Variants in SERBP1 observed in about 807,000 individuals in gnomAD.
The protein encoded by SERBP1 is SERPINE1 mRNA-binding protein 1.
SERBP1 carries 6 observed loss-of-function variants against 50.2 expected under a neutral mutation model. The observed-to-expected ratio is 0.12, with a 90% CI of 0.07 to 0.24. The LOEUF is 0.24. SERBP1 is among the 10% of genes least tolerant of loss of function. The pLI is 1.00. For missense variants in SERBP1, 346 were observed against 524.9 expected, an observed-to-expected ratio of 0.66 and a Z score of 3.33; for synonymous variants, 168 against 182.8, an observed-to-expected ratio of 0.92 and a Z score of 0.65.
At chr1:67,421,584 C>G (rs1369121868) in intron 5 of SERBP1, among the ~76,000 whole-genome samples, 1 of 152,188 alleles carries the variant, frequency 6.6e-6, no homozygotes, top group East Asian at 1.9e-4. Flanking sequence ...CTACCAATAG[C>G]CTATCAATAC....
At chr1:67,419,099 G>C (rs1272858889) in intron 6 of SERBP1, among the ~76,000 whole-genome samples, 2 of 152,324 alleles carry the variant, frequency 1.3e-5, no homozygotes, top group East Asian at 3.9e-4. Flanking sequence ...GTTGACCCTT[G>C]AACAACGTGG....
In SERBP1 at chr1:67,430,175, G is replaced by A. The variant is rs772226653; in HGVS notation, c.126C>T (p.Gly42=). 10 of 1,610,576 alleles carry A rather than the reference G, an allele frequency of 6.2e-6. No individual in the cohort carries two copies. Among genetic ancestry groups the A allele is most frequent in the South Asian group, 3.3e-5 (3 of 90,908 alleles). ...KAAENKKKEA[G]GGGVGGPGAK... The stretch of plus-strand genomic sequence containing the variant: ...CCCCAGGGCCCCCAACGCCGCCCCC[G>A]CCGGCTTCTTTTTTCTTGTTCTCTG... Residue 42 remains glycine (G), a synonymous_variant, in exon 1 of 8, where the codon GGC becomes GGT. Transcript: ENST00000361219.
intron 2 of SERBP1, among the ~76,000 whole-genome samples, chr1:67,425,922 C>T (rs376113993): frequency 7.2e-5 from 11 of 152,086 alleles, no homozygotes; most frequent in African/African-American, 2.4e-4. Context: ...TCAAGACCAG[C>T]CAATGCAATA....
chr1:67,426,619 C>T (rs1277542964), intron 1 of SERBP1, among the ~76,000 whole-genome samples: 1 of 152,138 alleles, frequency 6.6e-6, no homozygotes, highest in African/African-American at 2.4e-5. Flanking sequence ...CCATTATTCC[C>T]GTCACTTTCC....
intron 6 of SERBP1, 168 bp downstream of exon 6, chr1:67,419,839 AAT>A: frequency 1.7e-6 from 1 of 605,974 alleles, no homozygotes; most frequent in Non-Finnish European, 2.9e-6. Context: ...AATTTCTTAG[AAT>A]ATGTGATAAT....
At chr1:67,425,861 G>C (rs563150639) in intron 2 of SERBP1, among the ~76,000 whole-genome samples, 3 of 152,142 alleles carry the variant, frequency 2.0e-5, no homozygotes, top group Non-Finnish European at 2.9e-5. Flanking sequence ...GACTTCTTTG[G>C]TTTACGCCTG....
rs1230093728 is a variant in SERBP1 at position 67,425,211 on chromosome 1, G to A, written c.477C>T (p.Asp159=). The part of the protein sequence containing the change: ...GEFSVDRPII[D]RPIRGRGGLG... ...GACCACCACGACCTCGAATAGGTCG[G>A]TCAATAATCGGTCTATAATATAAAC... Residue 159 remains aspartate, a synonymous_variant, in exon 3 of 8, where the codon GAC becomes GAT. Transcript: ENST00000361219. 1.2e-6 allele frequency: 2 copies of A among 1,604,500 alleles called. No individual in the cohort carries two copies. The highest frequency in any genetic ancestry group is 2.2e-5 in the East Asian group (1 of 44,840).
chr1:67,408,855 C>T lies in SERBP1; in HGVS notation c.*4352G>A, dbSNP rs1159014850. The T allele has an allele frequency of 6.6e-6, 1 of 152,146 alleles. No homozygotes were observed. Among genetic ancestry groups the T allele is most frequent in the Non-Finnish European group, 1.5e-5 (1 of 68,024 alleles). 9.4% of individuals were successfully genotyped at this position (152,146 alleles called of 1,614,324 possible). A position where few individuals can be genotyped will look rare whatever the true frequency, so the allele number is the denominator to read the frequency against. ...AACATGTTTTACTAACAAGTTTTATCTTGCCCTTACTTTGATTATATAGAG... is the reference window on the plus strand; with the variant it reads ...AACATGTTTTACTAACAAGTTTTATTTTGCCCTTACTTTGATTATATAGAG... On this transcript the variant is annotated 3_prime_UTR_variant, in exon 8 of 8. Transcript: ENST00000361219.
At chr1:67,426,040 AG>A (rs1667363125) in intron 2 of SERBP1, 94 bp downstream of exon 2, 1 of 1,035,484 alleles carries the variant, frequency 9.7e-7, no homozygotes, top group Non-Finnish European at 1.4e-6. Flanking sequence ...ATTTGAGCCC[AG>A]GAAGCAGAGG....
chr1:67,409,505 T>C lies in SERBP1; in HGVS notation c.*3702A>G, dbSNP rs1361587781. 1 of 151,830 alleles carries C rather than the reference T, an allele frequency of 6.6e-6. No individual in the cohort carries two copies. Among genetic ancestry groups the C allele is most frequent in the Non-Finnish European group, 1.5e-5 (1 of 67,970 alleles). 9.4% of individuals were successfully genotyped at this position (151,830 alleles called of 1,614,324 possible). On this transcript the variant is annotated 3_prime_UTR_variant, in exon 8 of 8. Transcript: ENST00000361219. ...TCATTTAAATGGCGCTCATTTCCAG[T>C]GTTCATATTTTCATCTGTGGCCAAA... is the stretch of plus-strand genomic sequence containing the variant.
chr1:67,408,645 T>G lies in SERBP1; in HGVS notation c.*4562A>C, dbSNP rs1475306037. 2.0e-5 allele frequency: 3 copies of G among 151,352 alleles called. No homozygotes were observed. Among genetic ancestry groups the G allele is most frequent in the African/African-American group, 7.3e-5 (3 of 41,218 alleles). The allele number at this position is 151,352 out of a possible 1,614,324, so 9.4% of individuals were successfully genotyped here. A position where few individuals can be genotyped will look rare whatever the true frequency, so the allele number is the denominator to read the frequency against. On this transcript the variant is annotated 3_prime_UTR_variant, in exon 8 of 8. Coordinates refer to ENST00000361219, the MANE Select transcript of SERBP1 (RefSeq NM_001018069.2). ...CAGCTCAACCTATGGAATTTACCTATATGAAGTGTTCATAATTCTCATCTC... is the reference window on the plus strand; with the variant it reads ...CAGCTCAACCTATGGAATTTACCTAGATGAAGTGTTCATAATTCTCATCTC...
chr1:67,430,232 G>A lies in SERBP1; in HGVS notation c.69C>T (p.Asp23=), dbSNP rs2100455682. The change falls in exon 1 of 8, where the codon GAC becomes GAT. Residue 23 remains aspartate, a synonymous_variant. Coordinates refer to ENST00000361219, the MANE Select transcript of SERBP1 (RefSeq NM_001018069.2). ...TCAGCACCTCGAAGGGGTCCGATTCGTCGTCAAATAACTGGTCGAATCGGT... is the reference window on the plus strand; with the variant it reads ...TCAGCACCTCGAAGGGGTCCGATTCATCGTCAAATAACTGGTCGAATCGGT... ...VTNRFDQLFD[D]ESDPFEVLKA... The A allele has an allele frequency of 6.3e-7, 1 of 1,594,402 alleles. No homozygotes were observed. Among genetic ancestry groups the A allele is most frequent in the South Asian group, 1.1e-5 (1 of 88,202 alleles).
intron 6 of SERBP1, among the ~76,000 whole-genome samples, chr1:67,418,323 G>T (rs1212226470): frequency 6.6e-6 from 1 of 151,982 alleles, no homozygotes; most frequent in Non-Finnish European, 1.5e-5. Context: ...ACTTAAAAAA[G>T]ACAATGTCCT....
rs11800157 is a variant in SERBP1 at position 67,423,528 on chromosome 1, G to A, written c.773+672C>T. Among the ~76,000 whole-genome samples, 1,432 of 149,200 alleles carry A rather than the reference G, an allele frequency of 9.6e-3. 23 individuals are homozygous for A. The highest frequency in any genetic ancestry group is 0.034 in the African/African-American group (1,378 of 40,438). On this transcript the variant is annotated intron_variant, in intron 5 of 7. Transcript: ENST00000361219. ...AGGCTGACGTGGAAGGATCATTTGA[G>A]CCCAGGAGGCGGAGGGTGCAGTGAG...
chr1:67,417,936 T>C (rs1218891592), intron 6 of SERBP1, among the ~76,000 whole-genome samples: 1 of 150,308 alleles, frequency 6.7e-6, no homozygotes, highest in East Asian at 2.0e-4. Flanking sequence ...CTCACATTTG[T>C]CACGAGAATG....
chr1:67,429,872 A>G, intron 1 of SERBP1, 116 bp downstream of exon 1: 2 of 1,130,776 alleles, frequency 1.8e-6, no homozygotes, highest in East Asian at 2.5e-5. Flanking sequence ...AAACGTGAGG[A>G]TATAGGCGGC....
chr1:67,419,813 A>G (rs1251122996), intron 6 of SERBP1, 196 bp downstream of exon 6: 4 of 569,300 alleles, frequency 7.0e-6, no homozygotes, highest in Non-Finnish European at 1.2e-5. Context: ...ATAATTACAA[A>G]TTGATCAAAG....
chr1:67,415,096 A>G, intron 7 of SERBP1, 70 bp downstream of exon 7: 1 of 1,459,384 alleles, frequency 6.9e-7, no homozygotes, highest in Non-Finnish European at 9.1e-7. Flanking sequence ...AAGTGACATA[A>G]GTCTGACCCA....
chr1:67,426,112 C>T (rs1667368099), intron 2 of SERBP1, 23 bp downstream of exon 2: 1 of 1,593,808 alleles, frequency 6.3e-7, no homozygotes, highest in Admixed American at 1.8e-5. Flanking sequence ...AAGACCCTGG[C>T]TCAAAAACAA....
Sources: allele counts gnomAD v4.1 joint callset (sites outside exome capture counted in the v4.1 genomes callset), GRCh38; gene constraint gnomAD v4.1.1; transcripts MANE v1.5; gene names NCBI Gene and HGNC (gene_info 2026-07-23, HGNC 2026-07-21).